USP35: variants seen among roughly 807,000 people sequenced by gnomAD.
USP35 encodes ubiquitin carboxyl-terminal hydrolase 35.
Under a neutral mutation model 83.8 loss-of-function variants are expected in USP35, and 69 were observed. The ratio of observed to expected loss-of-function variants is 0.82; its 90% CI spans 0.68 to 1.01. The LOEUF is 1.01. Among genes scored for constraint, USP35 ranks in the 50% least tolerant of loss-of-function variants. The probability of loss-of-function intolerance (pLI) is 0.00; values close to 1 mark genes in which losing one functional copy is unlikely to be tolerated. For synonymous variants in USP35, 714 were observed against 589.5 expected (o/e 1.21, Z -3.06); for missense variants, 1,503 against 1,362.5 (o/e 1.10, Z -1.62).
chr11:78,198,257 C>G (rs575565579), intron 3 of USP35, among the ~76,000 whole-genome samples, 189 bp downstream of exon 3: 1 of 152,310 alleles, frequency 6.6e-6, no homozygotes, highest in Non-Finnish European at 1.5e-5. Flanking sequence ...ATGTGGGGGA[C>G]ACAGAGAGCC....
At chr11:78,222,522 A>G in the USP35 span, among the ~76,000 whole-genome samples, 1 of 148,334 alleles carries the variant, frequency 6.7e-6, no homozygotes, top group Admixed American at 6.8e-5. Context: ...CTATATATAA[A>G]ATATATTTAT....
chr11:78,222,068 C>T, the USP35 span: 76 of 1,383,208 alleles, frequency 5.5e-5, no homozygotes, highest in Middle Eastern at 1.8e-4. Flanking sequence ...CCTAATGGCC[C>T]GACTCCAAGC....
chr11:78,229,353 G>T, the USP35 span, among the ~76,000 whole-genome samples: 93 of 152,276 alleles, frequency 6.1e-4, no homozygotes, highest in Middle Eastern at 3.4e-3. Context: ...AGGCAGGGCT[G>T]AGAGAAGACA....
chr11:78,230,706 G>C, the USP35 span, among the ~76,000 whole-genome samples: 1 of 152,238 alleles, frequency 6.6e-6, no homozygotes, highest in Non-Finnish European at 1.5e-5. Context: ...AACCAAGTAA[G>C]AGGAGTTGAA....
At chr11:78,211,169 G>T (rs1374402738) in intron 10 of USP35, among the ~76,000 whole-genome samples, 5 of 132,046 alleles carry the variant, frequency 3.8e-5, no homozygotes, top group Non-Finnish European at 6.1e-5. Flanking sequence ...TATTCTCATT[G>T]TTCAGCTCCC....
downstream of USP35, chr11:78,215,996 AC>A (rs1203919873): frequency 1.3e-5 from 2 of 152,628 alleles, no homozygotes; most frequent in Non-Finnish European, 2.9e-5. Context: ...GTTAACTTCT[AC>A]ATTGGAAACC....
chr11:78,207,330 T>G, intron 7 of USP35, 200 bp from the exon 8 acceptor site: 1 of 576,446 alleles, frequency 1.7e-6, no homozygotes, highest in Non-Finnish European at 3.1e-6. Flanking sequence ...ATGTCTATTG[T>G]TGTGTTCCTG....
chr11:78,233,699 T>G, the USP35 span, among the ~76,000 whole-genome samples: 1 of 152,066 alleles, frequency 6.6e-6, no homozygotes, highest in Non-Finnish European at 1.5e-5. Flanking sequence ...CTCCACCTCC[T>G]GGGTTCAAGC....
the USP35 span, among the ~76,000 whole-genome samples, chr11:78,233,730 G>A: frequency 2.6e-5 from 4 of 151,882 alleles, no homozygotes; most frequent in Non-Finnish European, 5.9e-5. Context: ...CCTCAGCCTC[G>A]CCAGTAGCTG....
At chr11:78,222,830 G>A in the USP35 span, among the ~76,000 whole-genome samples, 71 of 152,250 alleles carry the variant, frequency 4.7e-4, no homozygotes, top group Non-Finnish European at 8.5e-4. Flanking sequence ...TGATCCACTC[G>A]CCTCAGCCTC....
chr11:78,226,421 T>C, the USP35 span: 1 of 1,470,430 alleles, frequency 6.8e-7, no homozygotes, highest in Non-Finnish European at 9.5e-7. Context: ...AACCCCTGTG[T>C]TACCTCCTCC....
rs1862918004 is a variant in USP35 at position 78,189,076 on chromosome 11, T to A, written c.-92T>A. ...CCTGGGGGGAGCAGAGGACCAGCCC[T>A]GACCTAGCCGGGCCCAGCCTCGTCC... On this transcript the variant is annotated 5_prime_UTR_variant, in exon 1 of 11. Coordinates refer to ENST00000529308, the MANE Select transcript of USP35 (RefSeq NM_020798.4). 2 of 599,922 alleles carry A rather than the reference T, an allele frequency of 3.3e-6. No homozygotes were observed. Among genetic ancestry groups the A allele is most frequent in the Admixed American group, 1.3e-4 (2 of 15,822 alleles). 37.2% of individuals were successfully genotyped at this position (599,922 alleles called of 1,614,324 possible). A position where few individuals can be genotyped will look rare whatever the true frequency, so the allele number is the denominator to read the frequency against.
At chr11:78,191,377 A>G (rs985870612) in intron 1 of USP35, among the ~76,000 whole-genome samples, 1 of 152,232 alleles carries the variant, frequency 6.6e-6, no homozygotes, top group Admixed American at 6.5e-5. Context: ...GACGCCCCTC[A>G]GGCTGTCATG....
chr11:78,213,816 TGAACCTGC>T lies in USP35; in HGVS notation c.*4_*11del. 6.4e-7 allele frequency: 1 copy of T among 1,552,168 alleles called. No homozygotes were observed. The highest frequency in any genetic ancestry group is 8.6e-7 in the Non-Finnish European group (1 of 1,157,306). On this transcript the variant is annotated 3_prime_UTR_variant, in exon 11 of 11. Transcript: ENST00000529308. ...ACTTCCACAGACTGGTCTTCTAATG[TGAACCTGC>T]TGCCAACCTGACCCCTTCCCTCCAG...
intron 3 of USP35, 162 bp from the exon 4 acceptor site, chr11:78,199,433 A>C: frequency 3.7e-6 from 4 of 1,089,584 alleles, no homozygotes; most frequent in Non-Finnish European, 5.3e-6. Context: ...GGGCTTGTGC[A>C]TTTCCCAGCC....
intron 3 of USP35, 192 bp from the exon 4 acceptor site, chr11:78,199,403 G>A (rs1403305068): frequency 1.3e-6 from 1 of 781,374 alleles, no homozygotes. Flanking sequence ...GAGCCTCAGT[G>A]TCTGGCAGGT....
At position 78,210,613 on chromosome 11, in the gene USP35, GT is replaced by G. The variant is rs1385087852; in HGVS notation, c.2759del (p.Val920GlyfsTer31). 1 of 1,614,200 alleles carries G rather than the reference GT, an allele frequency of 6.2e-7. No individual in the cohort carries two copies. The highest frequency in any genetic ancestry group is 2.2e-5 in the East Asian group (1 of 44,886). On this transcript the variant is annotated frameshift_variant, in exon 10 of 11. Coordinates refer to ENST00000529308, the MANE Select transcript of USP35 (RefSeq NM_020798.4). LOFTEE classifies it high-confidence loss of function. ...CTTCTTCCCTAAGGACACAGCCTAT[GT>G]GCTGTTTTACCGGCAGCGGCCCAGG... Reference protein sequence around the residue: ...TSFFPKDTAYVLFYRQRPREG... With the variant: ...TSFFPKDTAYXLFYRQRPREG...
At position 78,200,774 on chromosome 11, in the gene USP35, C is replaced by T. The variant is rs773104259; in HGVS notation, c.1163C>T (p.Pro388Leu). The change falls in exon 6 of 11, where the codon CCG becomes CTG. Residue 388 changes from proline to leucine, a missense_variant. Pro to Leu is a moderately conservative substitution (Grantham distance 98). Transcript: ENST00000529308. ...ATGGTGTTCCGGTTCCCGGGCTTCC[C>T]GGATCTGTATGAGCCTGTCATGGAG... The part of the protein sequence containing the change: ...HCMVFRFPGF[P>L]DLYEPVMEAI... 23 of 1,613,742 alleles carry T rather than the reference C, an allele frequency of 1.4e-5. No homozygotes were observed. Among genetic ancestry groups the T allele is most frequent in the East Asian group, 1.3e-4 (6 of 44,880 alleles).
chr11:78,219,209 A>AGG, downstream of USP35: 1 of 1,487,710 alleles, frequency 6.7e-7, no homozygotes, highest in Admixed American at 1.7e-5. Context: ...GAGAGGGGAG[A>AGG]GGGGAGATGG....
Sources: gnomAD v4.1 joint callset for allele counts (sites outside exome capture counted in the v4.1 genomes callset) on GRCh38, gnomAD v4.1.1 for gene constraint, MANE v1.5 for transcripts, NCBI Gene and HGNC (gene_info 2026-07-23, HGNC 2026-07-21) for gene names.